KRABD2: variants seen among roughly 807,000 people sequenced by gnomAD.
The protein encoded by KRABD2 is KRAB domain containing 2.
the KRABD2 span, among the ~76,000 whole-genome samples, chr17:8,362,159 C>T: frequency 2.6e-5 from 4 of 152,006 alleles, no homozygotes; most frequent in South Asian, 6.2e-4. The surrounding 1 kb of genome is among the most constrained non-coding windows in gnomAD (Gnocchi z 4.2). Flanking sequence ...TGGTGAAACC[C>T]CGTCTCTACT....
At chr17:8,372,668 T>C in the KRABD2 span, among the ~76,000 whole-genome samples, 1 of 152,272 alleles carries the variant, frequency 6.6e-6, no homozygotes, top group Non-Finnish European at 1.5e-5. The surrounding 1 kb of genome is among the most constrained non-coding windows in gnomAD (Gnocchi z 4.1). Flanking sequence ...CAGATTCCTT[T>C]CTGAAACCAG....
At chr17:8,373,165 C>A in the KRABD2 span, among the ~76,000 whole-genome samples, 4 of 151,726 alleles carry the variant, frequency 2.6e-5, no homozygotes, top group Admixed American at 2.6e-4. Flanking sequence ...GTCTCCGTCT[C>A]CGTCTCCGTC....
At chr17:8,369,104 C>A in the KRABD2 span, 3 of 1,586,786 alleles carry the variant, frequency 1.9e-6, no homozygotes, top group Admixed American at 1.8e-5. Flanking sequence ...CAGAGAGACA[C>A]CTGTGACTGT....
chr17:8,363,800 CAT>C, the KRABD2 span, among the ~76,000 whole-genome samples: 2,939 of 121,386 alleles, frequency 0.024, 149 homozygotes, highest in African/African-American at 0.091. Flanking sequence ...ATATATCATA[CAT>C]ATATATATCA....
chr17:8,368,644 T>C, the KRABD2 span: 1 of 152,474 alleles, frequency 6.6e-6, no homozygotes, highest in Non-Finnish European at 1.5e-5. Context: ...TAATTTTTTT[T>C]TTTTTTTTTT....
At chr17:8,371,413 G>T in the KRABD2 span, 4 of 1,614,126 alleles carry the variant, frequency 2.5e-6, no homozygotes, top group Non-Finnish European at 3.4e-6. Context: ...TTCAAATGCT[G>T]TTGCTTCCTG....
the KRABD2 span, chr17:8,370,538 A>G: frequency 8.2e-6 from 5 of 607,756 alleles, no homozygotes; most frequent in Non-Finnish European, 1.1e-5. Context: ...AAAAGCAACT[A>G]GAAAGCCAAC....
At chr17:8,372,653 C>T in the KRABD2 span, among the ~76,000 whole-genome samples, 2 of 152,342 alleles carry the variant, frequency 1.3e-5, no homozygotes, top group South Asian at 4.1e-4. The surrounding 1 kb of genome is among the most constrained non-coding windows in gnomAD (Gnocchi z 4.1). Flanking sequence ...AGAAAAAGCA[C>T]CTTCCAGATT....
chr17:8,376,113 T>A, the KRABD2 span: 180 of 1,231,478 alleles, frequency 1.5e-4, no homozygotes, highest in Non-Finnish European at 1.7e-4. Context: ...ACCTATAAGG[T>A]AGGGACGGAG....
At chr17:8,361,788 C>T in the KRABD2 span, among the ~76,000 whole-genome samples, 1 of 152,144 alleles carries the variant, frequency 6.6e-6, no homozygotes, top group Non-Finnish European at 1.5e-5. Context: ...CCTGCCTCAG[C>T]CTCCAAAGTG....
chr17:8,372,097 A>G, the KRABD2 span: 1 of 985,156 alleles, frequency 1.0e-6, no homozygotes, highest in Non-Finnish European at 1.2e-6. This position sits in a 1 kb window ranked among gnomAD's most constrained non-coding sequence, Gnocchi z 4.1. Flanking sequence ...AAGCAGAGAA[A>G]GATGGAAACT....
At chr17:8,360,372 G>A in the KRABD2 span, among the ~76,000 whole-genome samples, 4 of 151,938 alleles carry the variant, frequency 2.6e-5, no homozygotes, top group African/African-American at 7.3e-5. Context: ...ATATTAAAAC[G>A]GAAAGGCAAT....
the KRABD2 span, among the ~76,000 whole-genome samples, chr17:8,363,013 G>A: frequency 1.7e-3 from 260 of 152,326 alleles, 3 homozygotes; most frequent in African/African-American, 5.9e-3. Context: ...CAAAGTTCTC[G>A]AAGAACATGT....
At chr17:8,361,058 T>C in the KRABD2 span, among the ~76,000 whole-genome samples, 101 of 152,214 alleles carry the variant, frequency 6.6e-4, no homozygotes, top group African/African-American at 2.3e-3. Flanking sequence ...CTCAGAAATA[T>C]CAGAAGAAAA....
At chr17:8,376,554 C>T in the KRABD2 span, 1 of 987,512 alleles carries the variant, frequency 1.0e-6, no homozygotes, top group Non-Finnish European at 1.2e-6. Context: ...GATCCATGCC[C>T]GTCCACCCGC....
the KRABD2 span, chr17:8,369,904 G>A: frequency 1.1e-5 from 17 of 1,614,054 alleles, no homozygotes; most frequent in Non-Finnish European, 1.4e-5. Context: ...TGGTGGCACT[G>A]TTTACACAGA....
At chr17:8,373,240 T>G in the KRABD2 span, among the ~76,000 whole-genome samples, 1 of 152,182 alleles carries the variant, frequency 6.6e-6, no homozygotes, top group Non-Finnish European at 1.5e-5. Flanking sequence ...GGCTGGACTG[T>G]ACTGCCGCCA....
the KRABD2 span, among the ~76,000 whole-genome samples, chr17:8,363,733 CACAA>C: frequency 1.3e-4 from 20 of 149,426 alleles, no homozygotes; most frequent in Admixed American, 8.0e-4. Context: ...TCTCCAAGAT[CACAA>C]ACATCTTTTT....
chr17:8,374,078 G>A, the KRABD2 span, among the ~76,000 whole-genome samples: 2 of 152,160 alleles, frequency 1.3e-5, no homozygotes, highest in African/African-American at 2.4e-5. Context: ...CGCCCCGTCT[G>A]GGAAGTGAGG....
Sources: gnomAD v4.1 joint callset for allele counts (sites outside exome capture counted in the v4.1 genomes callset) on GRCh38, gnomAD v4.1.1 for gene constraint, Gnocchi (gnomAD v3.1) non-coding constraint, MANE v1.5 for transcripts, NCBI Gene and HGNC (gene_info 2026-07-23, HGNC 2026-07-21) for gene names.